PRKCE: variants seen among roughly 807,000 people sequenced by gnomAD.
PRKCE encodes protein kinase C epsilon type.
Under a neutral mutation model 85.4 loss-of-function variants are expected in PRKCE, and 16 were observed. The observed-to-expected ratio is 0.19, with a 90% CI of 0.13 to 0.28. The LOEUF is 0.28. PRKCE is among the 10% of genes least tolerant of loss of function. The pLI, the probability that PRKCE is intolerant of heterozygous loss-of-function variation, is 1.00. For synonymous variants in PRKCE, 388 were observed against 371.5 expected, an observed-to-expected ratio of 1.04 and a Z score of -0.51; for missense variants, 573 against 975.2, an observed-to-expected ratio of 0.59 and a Z score of 5.49.
intron 1 of PRKCE, among the ~76,000 whole-genome samples, chr2:45,681,496 G>A (rs1424714999): frequency 6.6e-6 from 1 of 152,016 alleles, no homozygotes; most frequent in Non-Finnish European, 1.5e-5. Flanking sequence ...GAGTACCCAG[G>A]TAGGCGTTTA....
chr2:45,739,563 A>T (rs1167082511), intron 1 of PRKCE, among the ~76,000 whole-genome samples: 3 of 152,064 alleles, frequency 2.0e-5, no homozygotes, highest in African/African-American at 7.3e-5. Flanking sequence ...ACGTTTATAT[A>T]AAAAAAATTA....
At chr2:45,744,248 T>C (rs1682839360) in intron 1 of PRKCE, among the ~76,000 whole-genome samples, 1 of 152,180 alleles carries the variant, frequency 6.6e-6, no homozygotes, top group South Asian at 2.1e-4. Flanking sequence ...TCTCAATCAA[T>C]GGTAGTGGAT....
At chr2:46,074,984 TG>T (rs1668428092) in intron 10 of PRKCE, among the ~76,000 whole-genome samples, 1 of 152,202 alleles carries the variant, frequency 6.6e-6, no homozygotes, top group South Asian at 2.1e-4. Context: ...GGGCTTTGGC[TG>T]GGTTGGGGAA....
intron 10 of PRKCE, among the ~76,000 whole-genome samples, chr2:46,061,549 T>C (rs1353472817): frequency 6.6e-6 from 1 of 152,220 alleles, no homozygotes; most frequent in African/African-American, 2.4e-5. Flanking sequence ...TTTCTGGCTA[T>C]TTTAGTAATA....
At chr2:45,724,547 G>A (rs1255770928) in intron 1 of PRKCE, among the ~76,000 whole-genome samples, 1 of 152,258 alleles carries the variant, frequency 6.6e-6, no homozygotes, top group Non-Finnish European at 1.5e-5. Flanking sequence ...AAGGCATGTT[G>A]AAAGCTGAGA....
At chr2:45,956,662 G>A (rs1170752875) in intron 2 of PRKCE, among the ~76,000 whole-genome samples, 1 of 152,138 alleles carries the variant, frequency 6.6e-6, no homozygotes, top group Non-Finnish European at 1.5e-5. Context: ...TCCAGCCTGG[G>A]CAACAGAGCG....
chr2:46,153,882 G>C (rs557812693), intron 13 of PRKCE, among the ~76,000 whole-genome samples: 1 of 149,220 alleles, frequency 6.7e-6, no homozygotes, highest in East Asian at 2.0e-4. Context: ...CGCCTCCCGG[G>C]TTCAAGAGAT....
intron 2 of PRKCE, among the ~76,000 whole-genome samples, chr2:45,965,187 G>A (rs984280432): frequency 2.0e-5 from 3 of 152,172 alleles, no homozygotes; most frequent in Non-Finnish European, 4.4e-5. Flanking sequence ...CCTCTTTCCT[G>A]TTTTGAACAA....
intron 1 of PRKCE, among the ~76,000 whole-genome samples, chr2:45,707,796 C>T (rs1679239596): frequency 6.6e-6 from 1 of 152,234 alleles, no homozygotes; most frequent in African/African-American, 2.4e-5. Flanking sequence ...GAGTCTGCCT[C>T]TGATGTGAGA....
chr2:46,168,569 GGA>G (rs2104638153), intron 14 of PRKCE, among the ~76,000 whole-genome samples: 1 of 152,314 alleles, frequency 6.6e-6, no homozygotes, highest in Admixed American at 6.5e-5. Context: ...AGCCCTAGAG[GGA>G]GAAGCTTGAC....
intron 2 of PRKCE, among the ~76,000 whole-genome samples, chr2:45,973,625 C>T (rs934884993): frequency 3.9e-5 from 6 of 152,218 alleles, no homozygotes; most frequent in Non-Finnish European, 7.3e-5. Context: ...CACACCCCTG[C>T]CAACTTTAAA....
intron 10 of PRKCE, among the ~76,000 whole-genome samples, chr2:46,058,257 A>G (rs1666781801): frequency 6.6e-6 from 1 of 152,184 alleles, no homozygotes; most frequent in South Asian, 2.1e-4. Context: ...GGACACAAAC[A>G]TCCAGGGCTT....
intron 1 of PRKCE, among the ~76,000 whole-genome samples, chr2:45,705,586 T>A (rs938537211): frequency 6.6e-6 from 1 of 152,220 alleles, no homozygotes; most frequent in Non-Finnish European, 1.5e-5. Flanking sequence ...GGATTGTCTG[T>A]TTTTTTCCAC....
chr2:46,165,139 G>T (rs1038457318), intron 14 of PRKCE, among the ~76,000 whole-genome samples: 1 of 152,148 alleles, frequency 6.6e-6, no homozygotes, highest in Non-Finnish European at 1.5e-5. Context: ...CCTGACTACA[G>T]GCCAACATCC....
rs138551180 is a variant in PRKCE, at chr2:45,862,741, C to T, written c.412+19678C>T. Among the ~76,000 whole-genome samples, 346 of 152,234 alleles carry T rather than the reference C, an allele frequency of 2.3e-3. 3 individuals are homozygous for T. Among genetic ancestry groups the T allele is most frequent in the African/African-American group, 8.2e-3 (340 of 41,482 alleles). The stretch of plus-strand genomic sequence containing the variant: ...CAGGCAGCTTATTACCAAAAGTCAG[C>T]TCTATTCTGCTCCCCAAGGCTGTGT... On this transcript the variant is annotated intron_variant, in intron 2 of 14. Transcript: ENST00000306156.
intron 6 of PRKCE, among the ~76,000 whole-genome samples, chr2:45,996,363 T>G (rs1343711627): frequency 6.6e-6 from 1 of 152,178 alleles, no homozygotes; most frequent in East Asian, 1.9e-4. Context: ...TTTCTTTTTC[T>G]TGTCTTACTG....
At chr2:46,181,667 G>A (rs1679989815) in intron 14 of PRKCE, among the ~76,000 whole-genome samples, 1 of 152,176 alleles carries the variant, frequency 6.6e-6, no homozygotes, top group Admixed American at 6.5e-5. Flanking sequence ...AATGAAACCA[G>A]CTTCCATGAT....
intron 2 of PRKCE, among the ~76,000 whole-genome samples, chr2:45,973,708 C>T (rs1420753345): frequency 6.6e-6 from 1 of 152,152 alleles, no homozygotes; most frequent in Admixed American, 6.5e-5. Flanking sequence ...TAATTGGTTG[C>T]CATATTGCCC....
chr2:45,984,404 C>A, intron 5 of PRKCE, 147 bp from the exon 6 acceptor site: 1 of 1,142,942 alleles, frequency 8.7e-7, no homozygotes, highest in Non-Finnish European at 1.2e-6. Flanking sequence ...CTCTTTTCAC[C>A]TCAGGGCAGC....
Sources: gnomAD v4.1 joint callset for allele counts (sites outside exome capture counted in the v4.1 genomes callset) on GRCh38, gnomAD v4.1.1 for gene constraint, MANE v1.5 for transcripts, NCBI Gene and HGNC (gene_info 2026-07-23, HGNC 2026-07-21) for gene names.